The following CNTN5 variants were observed in gnomAD, a reference collection of about 807,000 sequenced individuals.
CNTN5 encodes the protein contactin-5.
In CNTN5, 77 loss-of-function variants were observed where a neutral mutation model predicts 129.1. The ratio of observed to expected loss-of-function variants is 0.60; its 90% CI spans 0.50 to 0.72. The LOEUF is 0.72. Among genes scored for constraint, CNTN5 ranks in the 30% least tolerant of loss-of-function variants. CNTN5 has a pLI of 0.00. For missense variants in CNTN5, 1,478 were observed against 1,328.8 expected (o/e 1.11, Z -1.75); for synonymous variants, 509 against 465.6 (o/e 1.09, Z -1.20).
intron 3 of CNTN5, among the ~76,000 whole-genome samples, chr11:99,625,828 A>G (rs917768742): frequency 6.6e-6 from 1 of 151,838 alleles, no homozygotes; most frequent in African/African-American, 2.4e-5. Flanking sequence ...TTTCACGATG[A>G]CGTAAGAAGT....
intron 3 of CNTN5, among the ~76,000 whole-genome samples, chr11:99,772,061 C>T (rs942973233): frequency 1.9e-5 from 2 of 104,354 alleles, no homozygotes; most frequent in African/African-American, 8.9e-5. Flanking sequence ...ACCTTAGAAA[C>T]TTCTGAGGTA....
intron 6 of CNTN5, among the ~76,000 whole-genome samples, chr11:99,896,779 T>C (rs1591381509): frequency 6.6e-6 from 1 of 152,158 alleles, no homozygotes; most frequent in Non-Finnish European, 1.5e-5. Flanking sequence ...GCACACAACA[T>C]GCCCCATAGC....
intron 21 of CNTN5, among the ~76,000 whole-genome samples, chr11:100,325,576 G>A (rs1197112091): frequency 6.6e-6 from 1 of 152,042 alleles, no homozygotes; most frequent in Non-Finnish European, 1.5e-5. Flanking sequence ...ATAGCCTCTG[G>A]CCCTTTATCT....
chr11:99,383,916 T>G (rs1940761080), intron 2 of CNTN5, among the ~76,000 whole-genome samples: 1 of 152,114 alleles, frequency 6.6e-6, no homozygotes, highest in Non-Finnish European at 1.5e-5. Flanking sequence ...GAGTTTAAAG[T>G]CTCTTTAAAT....
intron 13 of CNTN5, among the ~76,000 whole-genome samples, chr11:100,190,398 C>T (rs112868864): frequency 1.6e-4 from 24 of 152,192 alleles, no homozygotes; most frequent in African/African-American, 5.3e-4. Context: ...TCTGTATAAT[C>T]CTGGAATAAA....
At chr11:100,066,282 A>T (rs1259783998) in intron 10 of CNTN5, among the ~76,000 whole-genome samples, 1 of 152,058 alleles carries the variant, frequency 6.6e-6, no homozygotes, top group Non-Finnish European at 1.5e-5. Context: ...TTCATCCCCA[A>T]CTGTATAATC....
intron 3 of CNTN5, among the ~76,000 whole-genome samples, chr11:99,700,934 A>G (rs1954492602): frequency 6.6e-6 from 1 of 151,300 alleles, no homozygotes; most frequent in Admixed American, 6.6e-5. Context: ...CTTGGCAGAA[A>G]GGGAAGAAGA....
At chr11:99,100,534 G>C (rs1404808359) in intron 1 of CNTN5, among the ~76,000 whole-genome samples, 2 of 152,018 alleles carry the variant, frequency 1.3e-5, no homozygotes, top group Non-Finnish European at 2.9e-5. Context: ...ATAATTGAAT[G>C]TATTTTAGGA....
At chr11:99,515,933 A>C (rs1947031976) in intron 2 of CNTN5, among the ~76,000 whole-genome samples, 2 of 140,310 alleles carry the variant, frequency 1.4e-5, no homozygotes, top group African/African-American at 5.2e-5. Flanking sequence ...TTAAATGTTT[A>C]TTTATATAAT....
intron 3 of CNTN5, among the ~76,000 whole-genome samples, chr11:99,628,891 C>T (rs1951235325): frequency 6.6e-6 from 1 of 151,942 alleles, no homozygotes. Context: ...ATAACCAGTT[C>T]ATTTATAAAT....
intron 15 of CNTN5, among the ~76,000 whole-genome samples, chr11:100,219,100 T>C (rs1001636110): frequency 3.9e-5 from 6 of 152,158 alleles, no homozygotes; most frequent in African/African-American, 1.2e-4. Flanking sequence ...AGCCTGAGTA[T>C]TGTGCTATCA....
chr11:99,363,296 A>G (rs1939236735), intron 2 of CNTN5, among the ~76,000 whole-genome samples: 2 of 152,070 alleles, frequency 1.3e-5, no homozygotes, highest in East Asian at 3.9e-4. Flanking sequence ...CAAGTCTTTT[A>G]CTGCTTAAGT....
At chr11:99,626,124 A>T (rs1951123888) in intron 3 of CNTN5, among the ~76,000 whole-genome samples, 2 of 151,980 alleles carry the variant, frequency 1.3e-5, no homozygotes, top group South Asian at 4.1e-4. Flanking sequence ...GAAGCGCTGT[A>T]GAAATTGCAG....
rs1591539249 is a variant in CNTN5 at position 99,994,243 on chromosome 11, T to C, written c.878-7791T>C. ...GACTATATGGATCTGATCTGACTCATATCAGTCAATAGTGTCATTAACTCT... is the reference window on the plus strand; with the variant it reads ...GACTATATGGATCTGATCTGACTCACATCAGTCAATAGTGTCATTAACTCT... On this transcript the variant is annotated intron_variant, in intron 8 of 24. Transcript: ENST00000524871. 1.3e-5 allele frequency among the ~76,000 whole-genome samples: 2 copies of C among 152,196 alleles called. 1 individual carries two copies.
intron 6 of CNTN5, among the ~76,000 whole-genome samples, chr11:99,887,934 C>T (rs922603336): frequency 6.6e-6 from 1 of 152,186 alleles, no homozygotes; most frequent in Non-Finnish European, 1.5e-5. Flanking sequence ...CCTTTGGCAA[C>T]ACCCTCACAG....
chr11:100,290,996 CA>C (rs1565405138), intron 18 of CNTN5, among the ~76,000 whole-genome samples: 1 of 150,880 alleles, frequency 6.6e-6, no homozygotes, highest in African/African-American at 2.4e-5. Flanking sequence ...AGCCAAAAAA[CA>C]CATGAAAAAA....
chr11:99,852,868 G>C (rs757290994), intron 6 of CNTN5, among the ~76,000 whole-genome samples: 1 of 152,134 alleles, frequency 6.6e-6, no homozygotes, highest in Non-Finnish European at 1.5e-5. Context: ...CCTTAGTAGA[G>C]TGTTTGTGGA....
At chr11:99,282,566 A>G (rs1863750204) in intron 1 of CNTN5, among the ~76,000 whole-genome samples, 1 of 152,058 alleles carries the variant, frequency 6.6e-6, no homozygotes. Flanking sequence ...GGATAATGGG[A>G]AATGCACATT....
intron 2 of CNTN5, among the ~76,000 whole-genome samples, chr11:99,451,727 G>A (rs1262058546): frequency 6.6e-6 from 1 of 151,948 alleles, no homozygotes; most frequent in Non-Finnish European, 1.5e-5. Context: ...TTTAAACATA[G>A]TACCTAGATA....
Sources: allele counts gnomAD v4.1 joint callset (sites outside exome capture counted in the v4.1 genomes callset), GRCh38; gene constraint gnomAD v4.1.1; transcripts MANE v1.5; gene names NCBI Gene and HGNC (gene_info 2026-07-23, HGNC 2026-07-21).